The following PPP2R2B variants were observed in gnomAD, a reference collection of about 807,000 sequenced individuals.
The protein encoded by PPP2R2B is protein phosphatase 2 regulatory subunit Bbeta.
In PPP2R2B, 5 loss-of-function variants were observed where a neutral mutation model predicts 46.0. That is an observed-to-expected ratio of 0.11 (90% confidence interval 0.06 to 0.23). The LOEUF (loss-of-function observed/expected upper bound fraction) is 0.23, where lower values mean the gene tolerates loss of function less well. Among genes scored for constraint, PPP2R2B ranks in the 10% least tolerant of loss-of-function variants. PPP2R2B has a pLI of 1.00. For missense variants in PPP2R2B, 367 were observed against 575.0 expected (o/e 0.64, Z 3.70); for synonymous variants, 215 against 206.7 (o/e 1.04, Z -0.34).
At chr5:147,021,445 C>A (rs1183954154) in intron 1 of PPP2R2B, among the ~76,000 whole-genome samples, 1 of 152,142 alleles carries the variant, frequency 6.6e-6, no homozygotes, top group Non-Finnish European at 1.5e-5. Flanking sequence ...TACTAAGATG[C>A]ACATGTGCAG....
At chr5:146,668,186 CGATT>C (rs1039069972) in intron 5 of PPP2R2B, among the ~76,000 whole-genome samples, 5 of 58,472 alleles carry the variant, frequency 8.6e-5, no homozygotes, top group Non-Finnish European at 2.9e-4. Context: ...CTAAAGAAAA[CGATT>C]AATTCTCTAG....
intron 7 of PPP2R2B, among the ~76,000 whole-genome samples, chr5:146,615,722 A>C (rs895692887): frequency 2.0e-5 from 3 of 152,052 alleles, no homozygotes; most frequent in African/African-American, 7.2e-5. Context: ...AAATTAAAAA[A>C]CACTGATGAA....
At chr5:146,648,017 C>T (rs755754659) in intron 6 of PPP2R2B, among the ~76,000 whole-genome samples, 19 of 152,292 alleles carry the variant, frequency 1.2e-4, no homozygotes, top group African/African-American at 2.9e-4. Context: ...CCCTTGGAGA[C>T]GGTTGAGTGC....
intron 1 of PPP2R2B, among the ~76,000 whole-genome samples, chr5:146,979,435 T>G (rs1456622259): frequency 1.3e-5 from 2 of 152,156 alleles, no homozygotes; most frequent in Non-Finnish European, 2.9e-5. Flanking sequence ...ATTTACTTAT[T>G]TTGCTCACTG....
chr5:147,039,605 C>T (rs1021154222), intron 1 of PPP2R2B, among the ~76,000 whole-genome samples: 6 of 152,158 alleles, frequency 3.9e-5, no homozygotes, highest in South Asian at 2.1e-4. Flanking sequence ...AAACCTACCA[C>T]GGAGACCATC....
chr5:147,062,372 AATCTAT>A (rs1013861103), intron 2 of PPP2R2B, among the ~76,000 whole-genome samples: 1 of 152,138 alleles, frequency 6.6e-6, no homozygotes, highest in Non-Finnish European at 1.5e-5. Flanking sequence ...GCAACCACCA[AATCTAT>A]ATTCATCTGA....
intron 2 of PPP2R2B, among the ~76,000 whole-genome samples, chr5:146,855,887 T>C (rs1582278455): frequency 1.3e-5 from 2 of 152,304 alleles, no homozygotes; most frequent in South Asian, 4.1e-4. Context: ...CCAAATCAAG[T>C]GTAACTACTT....
At chr5:146,960,261 T>C (rs1388274112) in intron 1 of PPP2R2B, among the ~76,000 whole-genome samples, 5 of 152,282 alleles carry the variant, frequency 3.3e-5, no homozygotes, top group South Asian at 4.2e-4. Flanking sequence ...ATCACTCAGA[T>C]ACTATCTGGT....
At position 146,587,116 on chromosome 5, in the gene PPP2R2B, T is replaced by A. The variant is rs571693221; in HGVS notation, c.*2831A>T. 1.3e-5 allele frequency: 2 copies of A among 152,174 alleles called. No individual in the cohort carries two copies. Among genetic ancestry groups the A allele is most frequent in the Non-Finnish European group, 2.9e-5 (2 of 68,036 alleles). 9.4% of individuals were successfully genotyped at this position (152,174 alleles called of 1,614,324 possible). The stretch of plus-strand genomic sequence containing the variant: ...GAACCAACTGTTGCAAGGTAGCAAA[T>A]CAGCCTTCAAGTAGTTTTTAGTGTC... On this transcript the variant is annotated 3_prime_UTR_variant, in exon 10 of 10. Coordinates refer to ENST00000394411, the MANE Select transcript of PPP2R2B (RefSeq NM_181675.4).
At chr5:146,936,514 C>CA (rs1227977864) in intron 1 of PPP2R2B, among the ~76,000 whole-genome samples, 3,821 of 101,596 alleles carry the variant, frequency 0.038, 123 homozygotes, top group East Asian at 0.093. Flanking sequence ...GATGGTTTCT[C>CA]AAAAAAAAAA....
At chr5:146,907,298 C>T (rs579915) in intron 1 of PPP2R2B, among the ~76,000 whole-genome samples, 70,042 of 152,006 alleles carry the variant, frequency 0.46, 17,346 homozygotes, top group East Asian at 0.66. Context: ...ATTACAACTA[C>T]GTATTTTAAG....
At chr5:146,626,690 C>T (rs1353582015) in intron 7 of PPP2R2B, among the ~76,000 whole-genome samples, 1 of 152,108 alleles carries the variant, frequency 6.6e-6, no homozygotes, top group Non-Finnish European at 1.5e-5. Context: ...GTCCCAAGGC[C>T]AGAGCCATCT....
At chr5:146,844,426 C>A (rs1759863694) in intron 2 of PPP2R2B, among the ~76,000 whole-genome samples, 1 of 151,926 alleles carries the variant, frequency 6.6e-6, no homozygotes, top group African/African-American at 2.4e-5. Context: ...AGGCTGTCTT[C>A]TCTCCTAGCT....
At chr5:146,761,405 A>G (rs559066341) in intron 2 of PPP2R2B, among the ~76,000 whole-genome samples, 92 of 152,308 alleles carry the variant, frequency 6.0e-4, no homozygotes, top group African/African-American at 2.1e-3. Context: ...TCAGCAAACT[A>G]TCACAAGGAC....
At chr5:146,638,210 C>A (rs1272037456) in intron 7 of PPP2R2B, 41 bp downstream of exon 7, 3 of 1,590,424 alleles carry the variant, frequency 1.9e-6, no homozygotes, top group Non-Finnish European at 1.7e-6. Context: ...CACATTGGGG[C>A]CAGTGGCCAT....
At chr5:146,915,397 A>G (rs1005801050) in intron 1 of PPP2R2B, among the ~76,000 whole-genome samples, 5 of 151,796 alleles carry the variant, frequency 3.3e-5, no homozygotes, top group East Asian at 1.9e-4. Flanking sequence ...TCATTCATAC[A>G]TCATCTTCCC....
chr5:146,942,178 A>T (rs1217930811), intron 1 of PPP2R2B, among the ~76,000 whole-genome samples: 1 of 152,222 alleles, frequency 6.6e-6, no homozygotes, highest in Admixed American at 6.5e-5. Flanking sequence ...CTGAGGTGCT[A>T]TGAGTTAGGA....
intron 2 of PPP2R2B, among the ~76,000 whole-genome samples, chr5:146,710,347 G>A (rs1200443078): frequency 6.6e-6 from 1 of 152,160 alleles, no homozygotes; most frequent in Non-Finnish European, 1.5e-5. Context: ...CCCTTAAAAT[G>A]CACACAGCTT....
At chr5:146,964,184 C>A (rs763622933) in intron 1 of PPP2R2B, among the ~76,000 whole-genome samples, 3 of 152,178 alleles carry the variant, frequency 2.0e-5, no homozygotes, top group Non-Finnish European at 4.4e-5. Context: ...CTAAATACGT[C>A]AGAAAACTGA....
Sources: gnomAD v4.1 joint callset for allele counts (sites outside exome capture counted in the v4.1 genomes callset) on GRCh38, gnomAD v4.1.1 for gene constraint, MANE v1.5 for transcripts, NCBI Gene and HGNC (gene_info 2026-07-23, HGNC 2026-07-21) for gene names.